The following CREBBP variants were observed in gnomAD, a reference collection of about 807,000 sequenced individuals.
CREBBP encodes CREB binding lysine acetyltransferase.
A neutral mutation model predicts 265.0 loss-of-function variants in CREBBP; 19 were observed. The observed-to-expected ratio is 0.07, with a 90% CI of 0.05 to 0.11. CREBBP has a LOEUF of 0.11. CREBBP is among the 10% of genes least tolerant of loss of function. The pLI, the probability that CREBBP is intolerant of heterozygous loss-of-function variation, is 1.00. For missense variants in CREBBP, 2,525 were observed against 3,219.0 expected (o/e 0.78, Z 5.22); for synonymous variants, 1,457 against 1,223.7 (o/e 1.19, Z -3.98).
chr16:3,852,788 T>C (rs1305689732), intron 1 of CREBBP, among the ~76,000 whole-genome samples: 1 of 152,118 alleles, frequency 6.6e-6, no homozygotes, highest in Non-Finnish European at 1.5e-5. Flanking sequence ...AAATGGGAAC[T>C]AAAACAACCC....
chr16:3,868,006 G>GT (rs1413635920), intron 1 of CREBBP, among the ~76,000 whole-genome samples: 48 of 152,130 alleles, frequency 3.2e-4, no homozygotes, highest in Non-Finnish European at 2.9e-5. Context: ...TCTGAGATAT[G>GT]TATCAGTCTG....
At chr16:3,772,335 AC>A in intron 13 of CREBBP, among the ~76,000 whole-genome samples, 1 of 111,860 alleles carries the variant, frequency 8.9e-6, no homozygotes, top group Non-Finnish European at 2.2e-5. Flanking sequence ...ACAAACACAC[AC>A]ACACACACAC....
rs2151305787 is a variant in CREBBP, at chr16:3,728,886, G to C, written c.6161C>G (p.Pro2054Arg). The change falls in exon 31 of 31, where the codon CCC (proline) becomes CGC (arginine). Residue 2054 changes from proline (P) to arginine (R), a missense_variant. Pro to Arg is a moderately radical substitution (Grantham distance 103). Coordinates refer to ENST00000262367, the MANE Select transcript of CREBBP (RefSeq NM_004380.3). The surrounding 1 kb of genome is among the most constrained non-coding windows in gnomAD (Gnocchi z 8.7). ...GATGCTCCTGGGTGGCTGCACGCTG[G>C]GCATCCGGGGCCCAGCCACGGCCGC... ...AQAAVAGPRMPSVQPPRSISP... is the reference protein window; with the variant it reads ...AQAAVAGPRMRSVQPPRSISP... 6.2e-7 allele frequency: 1 copy of C among 1,610,694 alleles called. No homozygotes were observed. The highest frequency in any genetic ancestry group is 8.5e-7 in the Non-Finnish European group (1 of 1,179,654).
rs2052156179 is a variant in CREBBP, at chr16:3,739,760, C to A, written c.4134-36G>T. ...AGCCAGAGCCGGACATTTACAAAGG[C>A]TGTTGCTGACAAGGTGCTTCTGCAC... On this transcript the variant is annotated intron_variant, in intron 24 of 30. Transcript: ENST00000262367. 3 of 1,614,122 alleles carry A rather than the reference C, an allele frequency of 1.9e-6. No homozygotes were observed. The Middle Eastern group carries it at 4.9e-4, about 266-fold the overall frequency.
At chr16:3,809,138 C>T (rs1160410616) in intron 3 of CREBBP, among the ~76,000 whole-genome samples, 1 of 151,800 alleles carries the variant, frequency 6.6e-6, no homozygotes, top group Non-Finnish European at 1.5e-5. Context: ...AGGTTGTTTT[C>T]ACAGTTTTGA....
At chr16:3,832,597 C>T (rs1283920589) in intron 2 of CREBBP, among the ~76,000 whole-genome samples, 1 of 152,172 alleles carries the variant, frequency 6.6e-6, no homozygotes, top group South Asian at 2.1e-4. Flanking sequence ...CAGCTTGTTA[C>T]TGTGCTGAAT....
At position 3,757,981 on chromosome 16, in the gene CREBBP, T is replaced by C; in HGVS notation, c.3437A>G (p.Gln1146Arg). The C allele has an allele frequency of 6.2e-7, 1 of 1,613,776 alleles. No individual in the cohort carries two copies. The highest frequency in any genetic ancestry group is 8.5e-7 in the Non-Finnish European group (1 of 1,179,918). ...CACGTACTGCCAGGGCTCTTGGTATTGCCCTGTGTCCAGCTTCCGCTTGAT... is the reference window on the plus strand; with the variant it reads ...CACGTACTGCCAGGGCTCTTGGTATCGCCCTGTGTCCAGCTTCCGCTTGAT... The part of the protein sequence containing the change: ...STIKRKLDTG[Q>R]YQEPWQYVDD... Residue 1146 changes from glutamine (Q) to arginine (R), a missense_variant, in exon 18 of 31, where the codon CAA becomes CGA. Physicochemically the swap from Gln to Arg is conservative, Grantham distance 43. Around this residue, in one of 19 missense-constraint regions of CREBBP, gnomAD observed 252 missense variants for 452.5 expected, o/e 0.56. Transcript: ENST00000262367.
At chr16:3,786,923 A>G (rs2053400846) in intron 5 of CREBBP, among the ~76,000 whole-genome samples, 1 of 152,102 alleles carries the variant, frequency 6.6e-6, no homozygotes, top group African/African-American at 2.4e-5. Context: ...AAATACATAA[A>G]GTAGCCAGGC....
chr16:3,762,475 T>C (rs1376688743), intron 16 of CREBBP, among the ~76,000 whole-genome samples: 2 of 149,188 alleles, frequency 1.3e-5, no homozygotes, highest in African/African-American at 2.5e-5. Flanking sequence ...CCACGGTGCC[T>C]GGCCGAGGAG....
chr16:3,824,073 TC>T (rs1322938597), intron 2 of CREBBP, among the ~76,000 whole-genome samples: 2 of 152,122 alleles, frequency 1.3e-5, no homozygotes, highest in East Asian at 1.9e-4. Flanking sequence ...GGCCACGTTC[TC>T]CCAAGCCAAA....
chr16:3,762,361 C>CT (rs35125490), intron 16 of CREBBP, among the ~76,000 whole-genome samples: 32,162 of 118,706 alleles, frequency 0.27, 5,575 homozygotes, highest in Non-Finnish European at 0.38. Context: ...ATTTTCTTTC[C>CT]TTTTTTTTTT....
chr16:3,741,516 A>G, intron 23 of CREBBP: 1 of 152,252 alleles, frequency 6.6e-6, no homozygotes, highest in Non-Finnish European at 1.5e-5. Flanking sequence ...TTTAAAAAGA[A>G]AAATGTGGCC....
chr16:3,772,399 G>C (rs942678045), intron 13 of CREBBP, among the ~76,000 whole-genome samples: 6 of 151,658 alleles, frequency 4.0e-5, no homozygotes, highest in African/African-American at 1.5e-4. Flanking sequence ...TTTCAGTGCA[G>C]TGGTTCTATA....
At chr16:3,841,632 C>A (rs572600539) in intron 2 of CREBBP, among the ~76,000 whole-genome samples, 1 of 151,930 alleles carries the variant, frequency 6.6e-6, no homozygotes, top group Non-Finnish European at 1.5e-5. Context: ...CAGAGTGAGG[C>A]CTTGTCTCAA....
rs202099897 is a variant in CREBBP at position 3,729,125 on chromosome 16, C to A, written c.5922G>T (p.Arg1974=). The A allele has an allele frequency of 2.5e-6, 4 of 1,576,738 alleles. No individual in the cohort carries two copies. Among genetic ancestry groups the A allele is most frequent in the Non-Finnish European group, 3.4e-6 (4 of 1,167,814 alleles). The change falls in exon 31 of 31, where the codon CGG becomes CGT. Residue 1974 remains arginine, a synonymous_variant. Transcript: ENST00000262367. ...GGGGCATGCTGTTGTTGATGTTCAC[C>A]CGGTACAGGTGCTGCTGCTGCTGGG... ...REAQQQQHLY[R]VNINNSMPPG...
At chr16:3,796,995 C>T (rs1003099785) in intron 3 of CREBBP, among the ~76,000 whole-genome samples, 10 of 152,186 alleles carry the variant, frequency 6.6e-5, no homozygotes, top group African/African-American at 1.9e-4. Flanking sequence ...CAGGGGCACA[C>T]TTAATTTCCT....
At chr16:3,775,815 C>A (rs1391532766) in intron 11 of CREBBP, among the ~76,000 whole-genome samples, 1 of 152,192 alleles carries the variant, frequency 6.6e-6, no homozygotes, top group African/African-American at 2.4e-5. Flanking sequence ...CATCATACCC[C>A]ACACCAGCAG....
intron 28 of CREBBP, among the ~76,000 whole-genome samples, chr16:3,734,897 C>T (rs1051724786): frequency 1.6e-4 from 24 of 152,178 alleles, no homozygotes; most frequent in African/African-American, 3.9e-4. Context: ...TGTCCCCAGC[C>T]GGCTCCCGGC....
rs2051839788 is a variant in CREBBP, at chr16:3,729,164, C to T, written c.5883G>A (p.Gln1961=). The change falls in exon 31 of 31, where the codon CAG becomes CAA. Residue 1961 remains glutamine, a synonymous_variant. Coordinates refer to ENST00000262367, the MANE Select transcript of CREBBP (RefSeq NM_004380.3). The part of the protein sequence containing the change: ...PPPAAVEAAR[Q]IEREAQQQQH... ...GCTGCTGCTGGGCCTCACGCTCGAT[C>T]TGCCGAGCCGCTTCCACCGCTGCAG... The T allele has an allele frequency of 1.9e-6, 3 of 1,538,476 alleles. No homozygotes were observed. Among genetic ancestry groups the T allele is most frequent in the East Asian group, 2.5e-5 (1 of 40,764 alleles).
Sources: allele counts gnomAD v4.1 joint callset (sites outside exome capture counted in the v4.1 genomes callset), GRCh38; gene constraint gnomAD v4.1.1; regional missense constraint gnomAD v4.1.1; non-coding constraint Gnocchi (gnomAD v3.1); transcripts MANE v1.5; gene names NCBI Gene and HGNC (gene_info 2026-07-23, HGNC 2026-07-21).